The following NCAPH variants were observed in gnomAD, a reference collection of about 807,000 sequenced individuals.
NCAPH encodes the protein condensin complex subunit 2.
A neutral mutation model predicts 85.5 loss-of-function variants in NCAPH; 38 were observed. That is an observed-to-expected ratio of 0.44 (90% CI 0.34 to 0.58). The LOEUF (loss-of-function observed/expected upper bound fraction) is 0.58. Among genes scored for constraint, NCAPH ranks in the 20% least tolerant of loss-of-function variants. NCAPH has a pLI of 0.01. For synonymous variants in NCAPH, 301 were observed against 335.1 expected (o/e 0.90, Z 1.11); for missense variants, 789 against 916.6 (o/e 0.86, Z 1.80).
chr2:96,368,932 C>T, intron 15 of NCAPH, 40 bp from the exon 16 acceptor site: 1 of 1,536,510 alleles, frequency 6.5e-7, no homozygotes, highest in Non-Finnish European at 8.8e-7. Flanking sequence ...CAAAAGTGCA[C>T]TAGCCCTAAC....
At chr2:96,368,348 G>A (rs1342841436) in intron 15 of NCAPH, among the ~76,000 whole-genome samples, 1 of 152,138 alleles carries the variant, frequency 6.6e-6, no homozygotes, top group Non-Finnish European at 1.5e-5. Flanking sequence ...GTGTAGTCCA[G>A]TTGGAGCTAT....
intron 1 of NCAPH, among the ~76,000 whole-genome samples, chr2:96,340,783 C>CTTT (rs745890722): frequency 8.1e-6 from 1 of 124,072 alleles, no homozygotes; most frequent in African/African-American, 3.0e-5. Flanking sequence ...CATGTCCGGC[C>CTTT]TTTTTTTTTT....
chr2:96,350,151 G>A (rs374812672), intron 6 of NCAPH, among the ~76,000 whole-genome samples: 3 of 152,326 alleles, frequency 2.0e-5, no homozygotes, highest in African/African-American at 7.2e-5. Context: ...GCCTTTTATT[G>A]TGGTCCTTCC....
rs200063787 is a variant in NCAPH at position 96,354,252 on chromosome 2, G to A, written c.1072G>A (p.Glu358Lys). 3.8e-5 allele frequency: 61 copies of A among 1,613,946 alleles called. No individual in the cohort carries two copies. The highest frequency in any genetic ancestry group is 4.7e-5 in the Non-Finnish European group (55 of 1,180,024). ...ATTTGACATCAATGCTGAAGTTGAC[G>A]AGAGTGACTGTGGAGACTTCCCCGA... ...QVFDINAEVD[E>K]SDCGDFPDGS... Residue 358 changes from glutamate to lysine, a missense_variant, in exon 9 of 18, where the codon GAG becomes AAG. By Grantham distance (56) the Glu-to-Lys change is moderately conservative. Transcript: ENST00000240423.
chr2:96,367,319 G>A lies in NCAPH; in HGVS notation c.1944G>A (p.Lys648=). The A allele has an allele frequency of 6.2e-7, 1 of 1,613,796 alleles. No individual in the cohort carries two copies. Among genetic ancestry groups the A allele is most frequent in the South Asian group, 1.1e-5 (1 of 91,076 alleles). ...AAAAGATGGACATGAAGAAACTGAA[G>A]CAGAGCATGTGGAGTCTGCTGACAG... is the stretch of plus-strand genomic sequence containing the variant. ...TAKKMDMKKL[K]QSMWSLLTAL... is the part of the protein sequence containing the mutation. Residue 648 remains lysine (K), a synonymous_variant, in exon 15 of 18, where the codon AAG becomes AAA. Transcript: ENST00000240423.
Position 96,360,680 on chromosome 2 carries a change from G to T in NCAPH, c.1557G>T (p.Leu519=), listed in dbSNP as rs548950650. 49 of 1,614,130 alleles carry T rather than the reference G, an allele frequency of 3.0e-5. No individual in the cohort carries two copies. The East Asian group carries it at 9.8e-4, about 32-fold the overall frequency. The change falls in exon 12 of 18, where the codon CTG becomes CTT. Residue 519 remains leucine (L), a synonymous_variant. Transcript: ENST00000240423. ...ATTTCAACTACAATGTTGACACTCT[G>T]GTCCAGCTTCACCTCAAACCAGGCA... ...PTDFNYNVDT[L]VQLHLKPGTR... is the part of the protein sequence containing the mutation.
Position 96,364,602 on chromosome 2 carries a change from GA to G in NCAPH, c.1698+14del. On this transcript the variant is annotated intron_variant, in intron 13 of 17. Coordinates refer to ENST00000240423, the MANE Select transcript of NCAPH (RefSeq NM_015341.5). ...TGCCCTGGATTACAGGTAAAGGGGG[GA>G]AAGGGGCTCTGTCCTCTCTTCTAAG... is the stretch of plus-strand genomic sequence containing the variant. 1.3e-6 allele frequency: 2 copies of G among 1,564,350 alleles called. No individual in the cohort carries two copies. The highest frequency in any genetic ancestry group is 8.8e-7 in the Non-Finnish European group (1 of 1,135,144).
chr2:96,363,150 T>C (rs1025340149), intron 12 of NCAPH, among the ~76,000 whole-genome samples: 1 of 152,220 alleles, frequency 6.6e-6, no homozygotes, highest in Non-Finnish European at 1.5e-5. Context: ...AGCAAAAATA[T>C]TACAACTCAC....
intron 6 of NCAPH, 66 bp from the exon 7 acceptor site, chr2:96,351,765 A>C (rs1033931593): frequency 1.6e-5 from 22 of 1,406,532 alleles, no homozygotes; most frequent in South Asian, 4.2e-5. Context: ...GGCCAAATGC[A>C]TGAGAATTTA....
At chr2:96,344,020 A>G in intron 5 of NCAPH, 85 bp from the exon 6 acceptor site, 2 of 1,511,570 alleles carry the variant, frequency 1.3e-6, no homozygotes, top group East Asian at 4.6e-5. Flanking sequence ...TTAAATTACG[A>G]CAGGTTTTGA....
chr2:96,373,254 G>A lies in NCAPH; in HGVS notation c.2167-38G>A, dbSNP rs527699068. 90 of 1,547,394 alleles carry A rather than the reference G, an allele frequency of 5.8e-5. 1 individual carries two copies. The South Asian group carries it at 7.3e-4, about 13-fold the overall frequency. ...GGAATTTATGATTCTTTTATTCTCC[G>A]TATACCAAAGTCCATGCATGTTTTG... On this transcript the variant is annotated intron_variant, in intron 17 of 17. Transcript: ENST00000240423.
intron 6 of NCAPH, among the ~76,000 whole-genome samples, chr2:96,345,871 A>G (rs2064355180): frequency 6.6e-6 from 1 of 152,172 alleles, no homozygotes; most frequent in Non-Finnish European, 1.5e-5. Flanking sequence ...TTTTTTTATG[A>G]TAAATGGGAG....
At chr2:96,359,637 T>C (rs1404585562) in intron 10 of NCAPH, among the ~76,000 whole-genome samples, 1 of 152,272 alleles carries the variant, frequency 6.6e-6, no homozygotes. Context: ...TGTTTTGTTT[T>C]GCTTTTGAGA....
At chr2:96,344,727 T>C (rs2104430213) in intron 6 of NCAPH, among the ~76,000 whole-genome samples, 1 of 152,338 alleles carries the variant, frequency 6.6e-6, no homozygotes. Context: ...AAATCATCTA[T>C]CTAGCAAATC....
Position 96,351,885 on chromosome 2 carries a change from G to A in NCAPH, c.775G>A (p.Gly259Arg), listed in dbSNP as rs1469579772. 1.9e-6 allele frequency: 3 copies of A among 1,614,120 alleles called. No homozygotes were observed. The highest frequency in any genetic ancestry group is 2.5e-6 in the Non-Finnish European group (3 of 1,179,976). ...AASFDECSTA[G>R]VFLSTLHCQD... is the part of the protein sequence containing the mutation. The stretch of plus-strand genomic sequence containing the variant: ...CTCATTTGATGAGTGCAGCACAGCA[G>A]GGGTGTTTCTGTCCACTCTCCACTG... Residue 259 changes from glycine (G) to arginine (R), a missense_variant, in exon 7 of 18, where the codon GGG (glycine) becomes AGG (arginine). Coordinates refer to ENST00000240423, the MANE Select transcript of NCAPH (RefSeq NM_015341.5).
rs530151517 is a variant in NCAPH at position 96,374,051 on chromosome 2, C to T, written c.*700C>T. ...TGGGTCCTGCTTAAATCCCAGGATTCTGCTGGAGGGAGCTGATAGTGATAC... is the reference window on the plus strand; with the variant it reads ...TGGGTCCTGCTTAAATCCCAGGATTTTGCTGGAGGGAGCTGATAGTGATAC... On this transcript the variant is annotated 3_prime_UTR_variant, in exon 18 of 18. Coordinates refer to ENST00000240423, the MANE Select transcript of NCAPH (RefSeq NM_015341.5). Among the ~76,000 whole-genome samples, 17 of 152,230 alleles carry T rather than the reference C, an allele frequency of 1.1e-4. No individual in the cohort carries two copies. Among genetic ancestry groups the T allele is most frequent in the Non-Finnish European group, 2.2e-4 (15 of 68,032 alleles).
chr2:96,373,652 A>G lies in NCAPH; in HGVS notation c.*301A>G, dbSNP rs1336755824. 1 of 239,894 alleles carries G rather than the reference A, an allele frequency of 4.2e-6. No individual in the cohort carries two copies. The highest frequency in any genetic ancestry group is 8.0e-5 in the East Asian group (1 of 12,476). 14.9% of individuals were successfully genotyped at this position (239,894 alleles called of 1,614,324 possible). On this transcript the variant is annotated 3_prime_UTR_variant, in exon 18 of 18. Transcript: ENST00000240423. Reference sequence around the variant, plus strand: ...AAACCTATATCCATTCTTTATATCAATGTATAGTTTTAGTCTCCTAAATTG... The same window carrying G: ...AAACCTATATCCATTCTTTATATCAGTGTATAGTTTTAGTCTCCTAAATTG...
chr2:96,348,749 C>T (rs1043022239), intron 6 of NCAPH, among the ~76,000 whole-genome samples: 9 of 151,750 alleles, frequency 5.9e-5, no homozygotes, highest in South Asian at 2.1e-4. Context: ...TCTGTCTCCC[C>T]GGTTCAAACG....
intron 8 of NCAPH, 147 bp downstream of exon 8, chr2:96,353,544 C>T (rs1267883513): frequency 2.8e-6 from 2 of 709,752 alleles, no homozygotes; most frequent in African/African-American, 3.5e-5. Flanking sequence ...GACAAAAACC[C>T]TGAGGGAGGA....
Sources: allele counts gnomAD v4.1 joint callset (sites outside exome capture counted in the v4.1 genomes callset), GRCh38; gene constraint gnomAD v4.1.1; transcripts MANE v1.5; gene names NCBI Gene and HGNC (gene_info 2026-07-23, HGNC 2026-07-21).